Variants in GRM5 observed in about 807,000 individuals in gnomAD.
The protein encoded by GRM5 is metabotropic glutamate receptor 5.
A neutral mutation model predicts 83.1 loss-of-function variants in GRM5; 19 were observed. The observed-to-expected ratio is 0.23, with a 90% CI of 0.16 to 0.34. The LOEUF (loss-of-function observed/expected upper bound fraction) is 0.34. Among genes scored for constraint, GRM5 ranks in the 10% least tolerant of loss-of-function variants. The pLI, the probability that GRM5 is intolerant of heterozygous loss-of-function variation, is 1.00. For synonymous variants in GRM5, 675 were observed against 633.6 expected (o/e 1.07, Z -0.98); for missense variants, 1,160 against 1,588.3 (o/e 0.73, Z 4.58).
intron 2 of GRM5, among the ~76,000 whole-genome samples, chr11:88,937,540 C>T (rs1937941173): frequency 6.6e-6 from 1 of 151,610 alleles, no homozygotes; most frequent in African/African-American, 2.4e-5. Flanking sequence ...TAAAGTTTCT[C>T]TTACCCAGCA....
chr11:88,958,318 T>A (rs1401050141), intron 2 of GRM5, among the ~76,000 whole-genome samples: 1 of 151,130 alleles, frequency 6.6e-6, no homozygotes. Context: ...ACCTCTCAGA[T>A]AAATAAATCA....
chr11:88,786,730 T>C (rs1375794426), intron 3 of GRM5, among the ~76,000 whole-genome samples: 1 of 152,072 alleles, frequency 6.6e-6, no homozygotes, highest in Non-Finnish European at 1.5e-5. Flanking sequence ...ACTTTTTTGA[T>C]GCCCCTTTCC....
intron 2 of GRM5, among the ~76,000 whole-genome samples, chr11:88,853,309 T>G (rs2135543628): frequency 6.6e-6 from 1 of 152,182 alleles, no homozygotes; most frequent in African/African-American, 2.4e-5. Flanking sequence ...TGTTATCAAC[T>G]TTTACAATGA....
intron 2 of GRM5, among the ~76,000 whole-genome samples, chr11:88,953,289 A>G (rs1480096134): frequency 6.6e-6 from 1 of 152,208 alleles, no homozygotes; most frequent in Non-Finnish European, 1.5e-5. Context: ...ATCTACACAC[A>G]CTTATATGCA....
chr11:88,595,211 G>T (rs961164011), intron 6 of GRM5, among the ~76,000 whole-genome samples: 3 of 152,040 alleles, frequency 2.0e-5, no homozygotes, highest in Admixed American at 2.0e-4. Flanking sequence ...AGGGTAATTA[G>T]CATAGCCATC....
chr11:88,561,125 C>A (rs965249030), intron 8 of GRM5, among the ~76,000 whole-genome samples: 1 of 152,046 alleles, frequency 6.6e-6, no homozygotes, highest in Non-Finnish European at 1.5e-5. Context: ...GAAATATAAG[C>A]CATTGGAAAT....
At chr11:88,987,416 G>T (rs1013561601) in intron 2 of GRM5, among the ~76,000 whole-genome samples, 1 of 151,914 alleles carries the variant, frequency 6.6e-6, no homozygotes, top group Admixed American at 6.6e-5. Context: ...ACTGCAAGGC[G>T]GCAGCGAGGT....
At chr11:88,961,302 A>G (rs496939) in intron 2 of GRM5, among the ~76,000 whole-genome samples, 54,469 of 151,816 alleles carry the variant, frequency 0.36, 11,317 homozygotes, top group Non-Finnish European at 0.46. Context: ...AGCTGTTCCC[A>G]GTGATTTGTG....
At chr11:88,665,545 G>A (rs899178036) in intron 3 of GRM5, among the ~76,000 whole-genome samples, 2 of 152,106 alleles carry the variant, frequency 1.3e-5, no homozygotes, top group Non-Finnish European at 1.5e-5. Flanking sequence ...TAGAGGAAGA[G>A]TAAATAATCA....
At position 89,040,756 on chromosome 11, in the gene GRM5, T is replaced by C. The variant is rs553878038; in HGVS notation, c.661+6456A>G. On this transcript the variant is annotated intron_variant, in intron 2 of 9. Transcript: ENST00000305447. Reference sequence around the variant, plus strand: ...AGAGACAAAGAAAAGGGAAGGAGGATAGGAAGGTAAGAAGTTATAAAGGAA... The same window carrying C: ...AGAGACAAAGAAAAGGGAAGGAGGACAGGAAGGTAAGAAGTTATAAAGGAA... Among the ~76,000 whole-genome samples, 5 of 148,802 alleles carry C rather than the reference T, an allele frequency of 3.4e-5. No individual in the cohort carries two copies. The East Asian group carries it at 7.9e-4, about 24-fold the overall frequency.
chr11:88,884,698 G>T (rs905172741), intron 2 of GRM5, among the ~76,000 whole-genome samples: 1 of 152,140 alleles, frequency 6.6e-6, no homozygotes, highest in African/African-American at 2.4e-5. Context: ...TGAATGATGA[G>T]GGTGGGTCTT....
At chr11:88,766,393 A>G (rs1193158740) in intron 3 of GRM5, among the ~76,000 whole-genome samples, 3 of 152,044 alleles carry the variant, frequency 2.0e-5, no homozygotes. Flanking sequence ...AGAGCCCAGA[A>G]ATAATGTCAC....
At chr11:88,947,455 G>A (rs1009679864) in intron 2 of GRM5, among the ~76,000 whole-genome samples, 2 of 151,754 alleles carry the variant, frequency 1.3e-5, no homozygotes, top group Non-Finnish European at 2.9e-5. Flanking sequence ...TGACTCAAAT[G>A]TTGTACTTAC....
At chr11:88,771,133 T>C (rs143773725) in intron 3 of GRM5, among the ~76,000 whole-genome samples, 44 of 152,192 alleles carry the variant, frequency 2.9e-4, no homozygotes, top group African/African-American at 9.4e-4. Context: ...CCCTGGCCTG[T>C]CGAGTATGGT....
chr11:88,865,297 C>G (rs1453703788), intron 2 of GRM5, among the ~76,000 whole-genome samples: 1 of 152,052 alleles, frequency 6.6e-6, no homozygotes, highest in African/African-American at 2.4e-5. Flanking sequence ...CTGACAAAAA[C>G]AAGCAATGGG....
In GRM5 at chr11:88,505,853, T is replaced by A. The variant is rs1231996403; in HGVS notation, c.*2739A>T. 1 of 152,220 alleles carries A rather than the reference T, an allele frequency of 6.6e-6. No homozygotes were observed. The highest frequency in any genetic ancestry group is 6.5e-5 in the Admixed American group (1 of 15,284). The allele number at this position is 152,220 out of a possible 1,614,324, so 9.4% of individuals were successfully genotyped here. A position where few individuals can be genotyped will look rare whatever the true frequency, so the allele number is the denominator to read the frequency against. On this transcript the variant is annotated 3_prime_UTR_variant, in exon 10 of 10. Transcript: ENST00000305447. ...TGTTTTGAAGGAAATTCAATGAGAATGTACCCAAATGAATTGTGAAGTTCA... is the reference window on the plus strand; with the variant it reads ...TGTTTTGAAGGAAATTCAATGAGAAAGTACCCAAATGAATTGTGAAGTTCA...
At chr11:88,663,578 TTTTTCATGAAG>T (rs1939960643) in intron 3 of GRM5, among the ~76,000 whole-genome samples, 1 of 152,172 alleles carries the variant, frequency 6.6e-6, no homozygotes, top group Non-Finnish European at 1.5e-5. Flanking sequence ...CCTTGTCTGT[TTTTTCATGAAG>T]TTTCCTTTCT....
chr11:89,063,593 C>G (rs1037325625), intron 1 of GRM5: 3 of 152,298 alleles, frequency 2.0e-5, no homozygotes, highest in Non-Finnish European at 2.9e-5. Flanking sequence ...CGGCTTCCCC[C>G]CCAAGATGAT....
At chr11:88,745,451 C>T (rs909290713) in intron 3 of GRM5, among the ~76,000 whole-genome samples, 2 of 152,090 alleles carry the variant, frequency 1.3e-5, no homozygotes, top group African/African-American at 4.8e-5. Flanking sequence ...AGCTATCCAC[C>T]TGTCTCAGCC....
Sources: gnomAD v4.1 joint callset for allele counts (sites outside exome capture counted in the v4.1 genomes callset) on GRCh38, gnomAD v4.1.1 for gene constraint, MANE v1.5 for transcripts, NCBI Gene and HGNC (gene_info 2026-07-23, HGNC 2026-07-21) for gene names.